Variants in EPHA3 observed in about 807,000 individuals in gnomAD.
The protein encoded by EPHA3 is EPH receptor A3.
EPHA3 carries 42 observed loss-of-function variants against 107.1 expected under a neutral mutation model. That is an observed-to-expected ratio of 0.39 (90% CI 0.31 to 0.51). The LOEUF (loss-of-function observed/expected upper bound fraction) is 0.51. Ranked by LOEUF, EPHA3 falls within the 20% of genes least tolerant of loss-of-function variation. The pLI, the probability that EPHA3 is intolerant of heterozygous loss-of-function variation, is 0.78. For missense variants in EPHA3, 1,183 were observed against 1,211.2 expected, an observed-to-expected ratio of 0.98 and a Z score of 0.35; for synonymous variants, 461 against 424.8, an observed-to-expected ratio of 1.09 and a Z score of -1.05.
Position 89,429,090 on chromosome 3 carries a change from T to A in EPHA3, c.2075-16T>A, listed in dbSNP as rs750361230. On this transcript the variant is annotated splice_polypyrimidine_tract_variant and intron_variant, in intron 11 of 16. Coordinates refer to ENST00000336596, the MANE Select transcript of EPHA3 (RefSeq NM_005233.6). ...GAACTGTACTGATTATTATTTATTA[T>A]TTACTGTATATCTAGGTAAGCCAGT... 6.4e-7 allele frequency: 1 copy of A among 1,557,148 alleles called. No homozygotes were observed.
At chr3:89,259,568 G>C (rs1325290361) in intron 3 of EPHA3, among the ~76,000 whole-genome samples, 2 of 152,142 alleles carry the variant, frequency 1.3e-5, no homozygotes, top group African/African-American at 4.8e-5. Context: ...AAATTGTATT[G>C]TGTATATTTG....
intron 1 of EPHA3, 62 bp from the exon 2 acceptor site, chr3:89,127,147 C>A: frequency 7.6e-7 from 1 of 1,321,652 alleles, no homozygotes; most frequent in Non-Finnish European, 1.1e-6. Flanking sequence ...GTGAACTCAA[C>A]AGAAGCAAAT....
chr3:89,190,873 A>T (rs139554166), intron 2 of EPHA3, among the ~76,000 whole-genome samples: 1 of 152,150 alleles, frequency 6.6e-6, no homozygotes, highest in Non-Finnish European at 1.5e-5. Context: ...CCTCCGTAGT[A>T]TCGAATTAGA....
chr3:89,400,484 C>T (rs1457076504), intron 7 of EPHA3: 3 of 152,326 alleles, frequency 2.0e-5, no homozygotes, highest in South Asian at 2.1e-4. Flanking sequence ...GATCCGCCCG[C>T]GTTGGCCTCC....
At chr3:89,252,960 G>A (rs1576266473) in intron 3 of EPHA3, among the ~76,000 whole-genome samples, 1 of 151,482 alleles carries the variant, frequency 6.6e-6, no homozygotes, top group South Asian at 2.1e-4. Flanking sequence ...TCTTTAATTG[G>A]TTTACTTTAA....
chr3:89,304,739 G>A (rs1288357362), intron 3 of EPHA3, among the ~76,000 whole-genome samples: 1 of 151,880 alleles, frequency 6.6e-6, no homozygotes, highest in African/African-American at 2.4e-5. Flanking sequence ...TATTTATTAT[G>A]TTCATGATAG....
intron 12 of EPHA3, 54 bp from the exon 13 acceptor site, chr3:89,431,096 A>C: frequency 4.5e-6 from 7 of 1,555,702 alleles, no homozygotes; most frequent in Non-Finnish European, 6.2e-6. Context: ...CAATAAAGAT[A>C]TATCTTTAAG....
At position 89,394,806 on chromosome 3, in the gene EPHA3, G is replaced by A. The variant is rs77540674; in HGVS notation, c.1307-1031G>A. The stretch of plus-strand genomic sequence containing the variant: ...CAATGAAAACAATTCAACAGTTAAT[G>A]TATCTAAAGATTCCTGAGTTTTTGT... On this transcript the variant is annotated intron_variant, in intron 5 of 16. Coordinates refer to ENST00000336596, the MANE Select transcript of EPHA3 (RefSeq NM_005233.6). 9.9e-4 allele frequency among the ~76,000 whole-genome samples: 151 copies of A among 152,270 alleles called. 1 individual carries two copies. The East Asian group carries it at 0.025, about 26-fold the overall frequency.
At chr3:89,343,306 A>G (rs900539431) in intron 5 of EPHA3, among the ~76,000 whole-genome samples, 3 of 152,248 alleles carry the variant, frequency 2.0e-5, no homozygotes, top group African/African-American at 4.8e-5. Flanking sequence ...GTATGCATCA[A>G]TATGACTCTG....
At chr3:89,437,413 A>C (rs542957328) in intron 13 of EPHA3, among the ~76,000 whole-genome samples, 32 of 152,052 alleles carry the variant, frequency 2.1e-4, no homozygotes, top group African/African-American at 7.7e-4. Context: ...TCATCAAAGA[A>C]GTTTTGTGTC....
At chr3:89,163,487 T>A (rs1704994072) in intron 2 of EPHA3, among the ~76,000 whole-genome samples, 1 of 152,188 alleles carries the variant, frequency 6.6e-6, no homozygotes, top group African/African-American at 2.4e-5. Context: ...TTTAATATTA[T>A]TGATTTTATT....
At chr3:89,261,878 T>G (rs374829135) in intron 3 of EPHA3, among the ~76,000 whole-genome samples, 23 of 151,078 alleles carry the variant, frequency 1.5e-4, no homozygotes, top group African/African-American at 5.1e-4. Context: ...AAAACCGCAA[T>G]GAATTTTGCA....
At chr3:89,431,412 T>C (rs1709567241) in intron 13 of EPHA3, 53 bp downstream of exon 13, 1 of 1,486,290 alleles carries the variant, frequency 6.7e-7, no homozygotes, top group East Asian at 2.3e-5. Flanking sequence ...TCTTGTATCA[T>C]GTTGATTTGT....
chr3:89,451,334 G>A (rs1353790459), intron 15 of EPHA3, among the ~76,000 whole-genome samples: 2 of 152,100 alleles, frequency 1.3e-5, no homozygotes, highest in Non-Finnish European at 2.9e-5. Flanking sequence ...AATTTTGTCA[G>A]GGGCCATATA....
At chr3:89,371,742 A>AAC (rs896227957) in intron 5 of EPHA3, among the ~76,000 whole-genome samples, 16 of 150,296 alleles carry the variant, frequency 1.1e-4, no homozygotes, top group South Asian at 2.1e-4. Flanking sequence ...ACACACACAC[A>AAC]ACACACACAC....
Position 89,226,595 on chromosome 3 carries a change from G to C in EPHA3, c.814+16075G>C, listed in dbSNP as rs1271062905. 5.9e-5 allele frequency among the ~76,000 whole-genome samples: 9 copies of C among 151,992 alleles called. 1 individual carries two copies. The highest frequency in any genetic ancestry group is 2.9e-5 in the Non-Finnish European group (2 of 67,986). On this transcript the variant is annotated intron_variant, in intron 3 of 16. Coordinates refer to ENST00000336596, the MANE Select transcript of EPHA3 (RefSeq NM_005233.6). ...GCTCTTCAATTTTTAATTATATTTA[G>C]AACTTCAACTGATCCATGATTGGAT... is the stretch of plus-strand genomic sequence containing the variant.
At chr3:89,426,862 A>T (rs907849819) in intron 11 of EPHA3, among the ~76,000 whole-genome samples, 2 of 151,946 alleles carry the variant, frequency 1.3e-5, no homozygotes, top group African/African-American at 4.8e-5. Context: ...AAGTACACAT[A>T]TGCAGGATTT....
At chr3:89,181,358 AT>A (rs1025068938) in intron 2 of EPHA3, among the ~76,000 whole-genome samples, 9 of 151,826 alleles carry the variant, frequency 5.9e-5, no homozygotes, top group East Asian at 3.9e-4. Flanking sequence ...ACTTCTACTG[AT>A]TTTTTTTCTT....
At chr3:89,224,872 AAT>A (rs2107213725) in intron 3 of EPHA3, among the ~76,000 whole-genome samples, 1 of 151,816 alleles carries the variant, frequency 6.6e-6, no homozygotes, top group East Asian at 1.9e-4. Flanking sequence ...TAATAATGAT[AAT>A]AAATAATAAT....
Sources: allele counts gnomAD v4.1 joint callset (sites outside exome capture counted in the v4.1 genomes callset), GRCh38; gene constraint gnomAD v4.1.1; transcripts MANE v1.5; gene names NCBI Gene and HGNC (gene_info 2026-07-23, HGNC 2026-07-21).